The following GANAB variants were observed in gnomAD, a reference collection of about 807,000 sequenced individuals.
The protein encoded by GANAB is neutral alpha-glucosidase AB.
Under a neutral mutation model 129.9 loss-of-function variants are expected in GANAB, and 35 were observed. That is an observed-to-expected ratio of 0.27 (90% CI 0.21 to 0.36). GANAB has a LOEUF of 0.36. Ranked by LOEUF, GANAB falls within the 10% of genes least tolerant of loss-of-function variation. The pLI, the probability that GANAB is intolerant of heterozygous loss-of-function variation, is 1.00. For synonymous variants in GANAB, 482 were observed against 451.8 expected (o/e 1.07, Z -0.85); for missense variants, 939 against 1,221.0 (o/e 0.77, Z 3.44).
At chr11:62,646,180 A>G (rs1944470490) in intron 1 of GANAB, among the ~76,000 whole-genome samples, 1 of 151,984 alleles carries the variant, frequency 6.6e-6, no homozygotes, top group South Asian at 2.1e-4. Flanking sequence ...GCGGGGCCGC[A>G]GGCTGCATTC....
rs1943578201 is a variant in GANAB at position 62,629,825 on chromosome 11, C to T, written c.1726G>A (p.Gly576Ser). 1.2e-6 allele frequency: 2 copies of T among 1,614,188 alleles called. No individual in the cohort carries two copies. The highest frequency in any genetic ancestry group is 2.2e-5 in the South Asian group (2 of 91,090). Residue 576 changes from glycine to serine, a missense_variant, in exon 14 of 24, where the codon GGC (glycine) becomes AGC (serine). Physicochemically the swap from Gly to Ser is moderately conservative, Grantham distance 56 (BLOSUM62 0). This residue lies in a region of GANAB where 147 missense variants were observed against 282.4 expected (regional missense o/e 0.52). Transcript: ENST00000356638. ...TCTCAGGCCCTTACCACATAAAGGC[C>T]ATAGATGTTATGCACATCCCGGTGC... ...WEHRDVHNIYGLYVHMATADG... is the reference protein window; with the variant it reads ...WEHRDVHNIYSLYVHMATADG...
rs532700080 is a variant in GANAB at position 62,630,730 on chromosome 11, G to A, written c.1257C>T (p.His419=). Residue 419 remains histidine (H), a synonymous_variant, in exon 11 of 24, where the codon CAC becomes CAT. Transcript: ENST00000356638. ...GCCAGATGACATCACAGGGCAGGTT[G>A]TGATCATCAAAGCCCTGATCCACTT... ...VLEVDQGFDD[H]NLPCDVIWLD... 1 of 1,614,006 alleles carries A rather than the reference G, an allele frequency of 6.2e-7. No individual in the cohort carries two copies. The highest frequency in any genetic ancestry group is 2.2e-5 in the East Asian group (1 of 44,888).
intron 5 of GANAB, chr11:62,633,867 T>C: frequency 2.4e-6 from 1 of 423,214 alleles, no homozygotes; most frequent in Non-Finnish European, 4.3e-6. Flanking sequence ...CCCCAAGTGC[T>C]CTCCCTGGGC....
rs546150285 is a variant in GANAB, at chr11:62,626,568, T to C, written c.2511+3A>G. The C allele has an allele frequency of 6.3e-7, 1 of 1,589,560 alleles. No homozygotes were observed. The highest frequency in any genetic ancestry group is 1.7e-5 in the Admixed American group (1 of 59,932). On this transcript the variant is annotated splice_donor_region_variant and intron_variant, in intron 21 of 23. Transcript: ENST00000356638. Reference sequence around the variant, plus strand: ...TGAGGAGACTCGCTGCCTATGCACTTACCTGAGGGCTAAGTGCAACAAAGA... The same window carrying C: ...TGAGGAGACTCGCTGCCTATGCACTCACCTGAGGGCTAAGTGCAACAAAGA...
At chr11:62,643,832 A>G (rs1355630666) in intron 1 of GANAB, among the ~76,000 whole-genome samples, 1 of 152,152 alleles carries the variant, frequency 6.6e-6, no homozygotes, top group Non-Finnish European at 1.5e-5. Flanking sequence ...AAGAAAAAAA[A>G]GTTGCCCAGG....
intron 1 of GANAB, among the ~76,000 whole-genome samples, chr11:62,645,332 C>T (rs1055989952): frequency 6.6e-6 from 1 of 152,078 alleles, no homozygotes; most frequent in African/African-American, 2.4e-5. Flanking sequence ...GTCAAGAGAT[C>T]GAGATCATCC....
intron 4 of GANAB, among the ~76,000 whole-genome samples, chr11:62,637,664 T>C (rs997140660): frequency 1.3e-5 from 2 of 152,144 alleles, no homozygotes; most frequent in African/African-American, 2.4e-5. Flanking sequence ...GGTATATTCA[T>C]ACAACATAAT....
rs1413482710 is a variant in GANAB at position 62,633,080 on chromosome 11, T to A, written c.740A>T (p.Asp247Val). 1 of 1,612,242 alleles carries A rather than the reference T, an allele frequency of 6.2e-7. No individual in the cohort carries two copies. Residue 247 changes from aspartate to valine, a missense_variant, in exon 8 of 24, where the codon GAC becomes GTC. Asp to Val is a radical substitution (Grantham distance 152). This residue lies in a region of GANAB where 321 missense variants were observed against 329.1 expected (regional missense o/e 0.98). Transcript: ENST00000356638. The part of the protein sequence containing the change: ...KPYGPMSVGL[D>V]FSLPGMEHVY... The stretch of plus-strand genomic sequence containing the variant: ...ATGCTCCATGCCTGGCAGAGAGAAG[T>A]CCAAACCCACAGACATGGGGCCTGG...
chr11:62,646,605 G>A lies in GANAB; in HGVS notation c.-6C>T, dbSNP rs1282026989. The A allele has an allele frequency of 1.2e-6, 2 of 1,614,022 alleles. No homozygotes were observed. Among genetic ancestry groups the A allele is most frequent in the South Asian group, 2.2e-5 (2 of 91,088 alleles). ...ACTGCCGCTACCGCCGCCATCTTGT[G>A]CAGAGTTTGCTCCTTGACCCCAAAC... is the stretch of plus-strand genomic sequence containing the variant. On this transcript the variant is annotated 5_prime_UTR_variant, in exon 1 of 24. Coordinates refer to ENST00000356638, the MANE Select transcript of GANAB (RefSeq NM_198334.3).
intron 1 of GANAB, among the ~76,000 whole-genome samples, chr11:62,641,066 C>G (rs536330419): frequency 6.6e-6 from 1 of 152,062 alleles, no homozygotes; most frequent in Non-Finnish European, 1.5e-5. Context: ...AGGCCGGGCG[C>G]AGTGGCTCAT....
At position 62,625,299 on chromosome 11, in the gene GANAB, A is replaced by T. The variant is rs576575660; in HGVS notation, c.*516T>A. ...TGATCCATTCATCCTGTCCGGGGTAAGGGGTGGTCCCAGTGTATCGGTGGG... is the reference window on the plus strand; with the variant it reads ...TGATCCATTCATCCTGTCCGGGGTATGGGGTGGTCCCAGTGTATCGGTGGG... On this transcript the variant is annotated 3_prime_UTR_variant, in exon 24 of 24. Transcript: ENST00000356638. 7 of 456,436 alleles carry T rather than the reference A, an allele frequency of 1.5e-5. No homozygotes were observed. Among genetic ancestry groups the T allele is most frequent in the African/African-American group, 1.4e-4 (7 of 50,178 alleles). 28.3% of individuals were successfully genotyped at this position (456,436 alleles called of 1,614,324 possible). A position where few individuals can be genotyped will look rare whatever the true frequency, so the allele number is the denominator to read the frequency against.
chr11:62,628,699 A>C, intron 17 of GANAB, 70 bp downstream of exon 17: 1 of 1,510,972 alleles, frequency 6.6e-7, no homozygotes, highest in Non-Finnish European at 9.1e-7. Context: ...AGAGACCCAG[A>C]GATGAAGCCC....
intron 5 of GANAB, chr11:62,634,211 G>C: frequency 3.8e-6 from 3 of 794,204 alleles, no homozygotes; most frequent in South Asian, 2.9e-5. Context: ...TGGGGTGAGT[G>C]AAAGGCTGGA....
In GANAB at chr11:62,625,057, A is replaced by G. The variant is rs1943300940; in HGVS notation, c.*758T>C. On this transcript the variant is annotated 3_prime_UTR_variant, in exon 24 of 24. Coordinates refer to ENST00000356638, the MANE Select transcript of GANAB (RefSeq NM_198334.3). ...GTGACCATGATTCACTGAAACCACAACTGATTTCTCCATCTTAAGTGCCCC... is the reference window on the plus strand; with the variant it reads ...GTGACCATGATTCACTGAAACCACAGCTGATTTCTCCATCTTAAGTGCCCC... 2.8e-6 allele frequency: 1 copy of G among 355,986 alleles called. No homozygotes were observed. Among genetic ancestry groups the G allele is most frequent in the African/African-American group, 2.2e-5 (1 of 45,636 alleles). 22.1% of individuals were successfully genotyped at this position (355,986 alleles called of 1,614,324 possible).
intron 5 of GANAB, chr11:62,634,235 C>T: frequency 4.1e-6 from 4 of 982,004 alleles, no homozygotes; most frequent in Non-Finnish European, 6.6e-6. Flanking sequence ...GTCTGGGGCA[C>T]CTCCCCCCAA....
chr11:62,642,437 C>CA (rs1554975092), intron 1 of GANAB, among the ~76,000 whole-genome samples: 47 of 140,768 alleles, frequency 3.3e-4, no homozygotes, highest in African/African-American at 1.2e-3. Context: ...GGGCATCAGA[C>CA]TTTTTTTTTT....
Position 62,630,238 on chromosome 11 carries a change from T to C in GANAB, c.1552A>G (p.Arg518Gly). The C allele has an allele frequency of 6.2e-7, 1 of 1,613,620 alleles. No individual in the cohort carries two copies. The change falls in exon 13 of 24, where the codon AGG becomes GGG. Residue 518 changes from arginine to glycine, a missense_variant. Coordinates refer to ENST00000356638, the MANE Select transcript of GANAB (RefSeq NM_198334.3). The part of the protein sequence containing the change: ...GYPDFTNPTM[R>G]AWWANMFSYD... ...CTGAACATGTTAGCCCACCAGGCCC[T>C]CATCGTGGGATTAGTGAAGTCAGGG... is the stretch of plus-strand genomic sequence containing the variant.
rs780189488 is a variant in GANAB at position 62,639,038 on chromosome 11, G to A, written c.325C>T (p.Arg109Trp). ...TCTGGTACACGGTATCGGGGTCGCC[G>A]AGGCTCCAGCTCATCAATCCTGAAC... Reference protein sequence around the residue: ...TRFRIDELEPRRPRYRVPDVL... With the variant: ...TRFRIDELEPWRPRYRVPDVL... The change falls in exon 4 of 24, where the codon CGG becomes TGG. Residue 109 changes from arginine to tryptophan, a missense_variant. Around this residue, in one of 5 missense-constraint regions of GANAB, gnomAD observed 321 missense variants for 329.1 expected, o/e 0.98. Coordinates refer to ENST00000356638, the MANE Select transcript of GANAB (RefSeq NM_198334.3). 23 of 1,613,798 alleles carry A rather than the reference G, an allele frequency of 1.4e-5. No homozygotes were observed. The highest frequency in any genetic ancestry group is 3.3e-5 in the Admixed American group (2 of 59,954).
chr11:62,635,114 A>G (rs1274170713), intron 4 of GANAB, 114 bp from the exon 5 acceptor site: 1 of 703,766 alleles, frequency 1.4e-6, no homozygotes, highest in Admixed American at 2.5e-5. Flanking sequence ...GTGTGGTAAC[A>G]GAGCAGGGAT....
Sources: allele counts gnomAD v4.1 joint callset (sites outside exome capture counted in the v4.1 genomes callset), GRCh38; gene constraint gnomAD v4.1.1; regional missense constraint gnomAD v4.1.1; transcripts MANE v1.5; gene names NCBI Gene and HGNC (gene_info 2026-07-23, HGNC 2026-07-21).